TMEM45A: variants seen among roughly 807,000 people sequenced by gnomAD.
TMEM45A encodes the protein transmembrane protein 45A, also known as DNA polymerase-transactivated protein 4.
TMEM45A carries 25 observed loss-of-function variants against 32.0 expected under a neutral mutation model. That is an observed-to-expected ratio of 0.78 (90% CI 0.57 to 1.09). The LOEUF (loss-of-function observed/expected upper bound fraction) is 1.09. Among genes scored for constraint, TMEM45A ranks in the 50% least tolerant of loss-of-function variants. TMEM45A has a pLI of 0.00. For synonymous variants in TMEM45A, 122 were observed against 114.8 expected (o/e 1.06, Z -0.40); for missense variants, 302 against 325.0 (o/e 0.93, Z 0.54).
intron 1 of TMEM45A, among the ~76,000 whole-genome samples, chr3:100,506,408 C>G (rs543601810): frequency 9.3e-4 from 142 of 152,196 alleles, no homozygotes; most frequent in African/African-American, 3.2e-3. Context: ...GTATCTGACA[C>G]CCCAAAATAG....
intron 1 of TMEM45A, among the ~76,000 whole-genome samples, chr3:100,522,514 CT>C (rs1420511741): frequency 1.3e-5 from 2 of 152,184 alleles, no homozygotes; most frequent in African/African-American, 4.8e-5. Flanking sequence ...AAATGAAGTT[CT>C]TCTTAAAAGT....
chr3:100,561,304 AT>A (rs1376476444), intron 4 of TMEM45A, among the ~76,000 whole-genome samples: 2 of 152,062 alleles, frequency 1.3e-5, no homozygotes, highest in African/African-American at 2.4e-5. Flanking sequence ...ATATTACCAT[AT>A]TTTTTTCTCA....
At chr3:100,548,524 C>G (rs1194440851) in intron 1 of TMEM45A, among the ~76,000 whole-genome samples, 1 of 152,184 alleles carries the variant, frequency 6.6e-6, no homozygotes, top group African/African-American at 2.4e-5. Flanking sequence ...TTTCCACTGT[C>G]CCCTGGTCAC....
At chr3:100,572,151 T>C (rs1169647713) in intron 5 of TMEM45A, 1 of 152,180 alleles carries the variant, frequency 6.6e-6, no homozygotes, top group Non-Finnish European at 1.5e-5. Flanking sequence ...TATTTCTAGT[T>C]CTAGATCCCT....
chr3:100,493,120 C>CATTTTTTTTTT (rs1559630375), intron 1 of TMEM45A, among the ~76,000 whole-genome samples, 192 bp downstream of exon 1: 1 of 115,918 alleles, frequency 8.6e-6, no homozygotes, highest in African/African-American at 3.4e-5. Flanking sequence ...GTTTGCTATT[C>CATTTTTTTTTT]TTTTTTTTTT....
At chr3:100,520,036 G>A (rs902268157) in intron 1 of TMEM45A, among the ~76,000 whole-genome samples, 1 of 152,040 alleles carries the variant, frequency 6.6e-6, no homozygotes, top group African/African-American at 2.4e-5. Context: ...GCCAGACACA[G>A]TTCTAACAGC....
At chr3:100,550,193 A>AGT (rs1706065819) in intron 1 of TMEM45A, among the ~76,000 whole-genome samples, 2 of 118,218 alleles carry the variant, frequency 1.7e-5, no homozygotes, top group South Asian at 2.4e-4. Context: ...CTTAAAGCAT[A>AGT]ATAAAAAAAA....
chr3:100,500,603 A>G (rs1196046713), intron 1 of TMEM45A, among the ~76,000 whole-genome samples: 1 of 152,230 alleles, frequency 6.6e-6, no homozygotes, highest in East Asian at 1.9e-4. Context: ...TCTGTCTCAG[A>G]GAAAGCTCGG....
At chr3:100,536,770 T>G (rs1241167234) in intron 1 of TMEM45A, among the ~76,000 whole-genome samples, 3 of 152,222 alleles carry the variant, frequency 2.0e-5, no homozygotes, top group Non-Finnish European at 4.4e-5. Flanking sequence ...ACATTGTCCC[T>G]TTCGATGCAG....
chr3:100,526,634 G>T (rs1239649684), intron 1 of TMEM45A, among the ~76,000 whole-genome samples: 1 of 152,166 alleles, frequency 6.6e-6, no homozygotes, highest in East Asian at 1.9e-4. Context: ...TAGTACTGCA[G>T]ATAGACTTAA....
intron 2 of TMEM45A, among the ~76,000 whole-genome samples, chr3:100,556,200 C>T (rs554109064): frequency 1.2e-4 from 19 of 152,246 alleles, no homozygotes; most frequent in African/African-American, 2.9e-4. Flanking sequence ...AGGCTGGTTG[C>T]GAACTCCTGA....
At chr3:100,573,349 T>G (rs1429812396) in intron 5 of TMEM45A, 1 of 152,138 alleles carries the variant, frequency 6.6e-6, no homozygotes, top group Non-Finnish European at 1.5e-5. Context: ...AGGTATTTTA[T>G]TCTCTTTGAA....
intron 4 of TMEM45A, among the ~76,000 whole-genome samples, chr3:100,561,144 A>G (rs757901912): frequency 3.3e-5 from 5 of 152,216 alleles, no homozygotes; most frequent in Non-Finnish European, 5.9e-5. Context: ...AGCCATAGTG[A>G]CATTCCCACT....
intron 5 of TMEM45A, chr3:100,574,121 G>C (rs1706631849): frequency 6.6e-6 from 1 of 152,206 alleles, no homozygotes; most frequent in South Asian, 2.1e-4. Flanking sequence ...CATGAAATGA[G>C]TTAGGGAGGA....
At chr3:100,553,683 C>T (rs1267144601) in intron 1 of TMEM45A, among the ~76,000 whole-genome samples, 2 of 152,146 alleles carry the variant, frequency 1.3e-5, no homozygotes, top group East Asian at 1.9e-4. Context: ...TCTAGGCTTG[C>T]CTCCTTCTTT....
At chr3:100,523,121 G>A (rs1446733397) in intron 1 of TMEM45A, among the ~76,000 whole-genome samples, 2 of 152,222 alleles carry the variant, frequency 1.3e-5, no homozygotes, top group Non-Finnish European at 2.9e-5. Flanking sequence ...GACTTCCACA[G>A]GTTCCTGACC....
chr3:100,531,070 T>G (rs1705637473), intron 1 of TMEM45A, among the ~76,000 whole-genome samples: 2 of 152,202 alleles, frequency 1.3e-5, no homozygotes, highest in Admixed American at 6.5e-5. Flanking sequence ...TCAGCAGCCT[T>G]TGATTAACAT....
At chr3:100,501,574 CCTT>C (rs1474120133) in intron 1 of TMEM45A, among the ~76,000 whole-genome samples, 25 of 152,292 alleles carry the variant, frequency 1.6e-4, no homozygotes, top group East Asian at 1.3e-3. Context: ...GATGGAAACT[CCTT>C]CTTCTTGGGA....
chr3:100,552,552 G>C (rs1403487393), intron 1 of TMEM45A, among the ~76,000 whole-genome samples: 1 of 152,156 alleles, frequency 6.6e-6, no homozygotes, highest in Non-Finnish European at 1.5e-5. Flanking sequence ...TTCATATTTT[G>C]GGTTTGGGCA....
Sources: allele counts gnomAD v4.1 joint callset (sites outside exome capture counted in the v4.1 genomes callset), GRCh38; gene constraint gnomAD v4.1.1; transcripts MANE v1.5; gene names NCBI Gene and HGNC (gene_info 2026-07-23, HGNC 2026-07-21).